SLC2A7: variants seen among roughly 807,000 people sequenced by gnomAD.
SLC2A7 encodes solute carrier family 2 member 7.
SLC2A7 carries 50 observed loss-of-function variants against 50.5 expected under a neutral mutation model. The ratio of observed to expected loss-of-function variants is 0.99; its 90% CI spans 0.79 to 1.25. SLC2A7 has a LOEUF of 1.25. Among genes scored for constraint, SLC2A7 ranks in the 50% most tolerant of loss-of-function variants. The pLI, the probability that SLC2A7 is intolerant of heterozygous loss-of-function variation, is 0.00. For missense variants in SLC2A7, 683 were observed against 679.1 expected (o/e 1.01, Z -0.06); for synonymous variants, 308 against 300.4 (o/e 1.03, Z -0.26).
downstream of SLC2A7, among the ~76,000 whole-genome samples, chr1:9,000,395 G>A (rs544205412): frequency 2.0e-5 from 3 of 151,908 alleles, no homozygotes; most frequent in Non-Finnish European, 4.4e-5. Flanking sequence ...GAGACAGATG[G>A]ATCACCTGAG....
At chr1:9,006,680 T>C (rs1405127435) in intron 10 of SLC2A7, among the ~76,000 whole-genome samples, 1 of 152,246 alleles carries the variant, frequency 6.6e-6, no homozygotes, top group East Asian at 1.9e-4. Flanking sequence ...TTTTGGTTTA[T>C]GGACAGTGCT....
intron 7 of SLC2A7, 138 bp from the exon 8 acceptor site, chr1:9,013,773 A>G: frequency 1.5e-6 from 1 of 668,376 alleles, no homozygotes; most frequent in East Asian, 3.0e-5. Flanking sequence ...AGGTGGTGGG[A>G]AAAAGAGGCC....
At position 9,003,482 on chromosome 1, in the gene SLC2A7, C is replaced by T. The variant is rs200269396; in HGVS notation, c.1357G>A (p.Gly453Arg). ...TAAATCGCAGTGAGGAGGCAGATTC[C>T]GGCAAAGATGATGAAACTGTAGGCA... is the stretch of plus-strand genomic sequence containing the variant. Reference protein sequence around the residue: ...IGAYSFIIFAGICLLTAIYIY... With the variant: ...IGAYSFIIFARICLLTAIYIY... The change falls in exon 12 of 12, where the codon GGA becomes AGA. Residue 453 changes from glycine to arginine, a missense_variant. Transcript: ENST00000400906. 4.6e-4 allele frequency: 749 copies of T among 1,614,150 alleles called. 3 individuals carry two copies. In the South Asian group the frequency reaches 6.0e-3, roughly 13 times the overall value.
Position 9,018,268 on chromosome 1 carries a change from G to C in SLC2A7, c.544C>G (p.Leu182Val), listed in dbSNP as rs1640859507. Reference sequence around the variant, plus strand: ...GCCTGGAGGCTGAAGATCTGTGCTAGGAAGACTCCAACGATGACGAAAACC... The same window carrying C: ...GCCTGGAGGCTGAAGATCTGTGCTACGAAGACTCCAACGATGACGAAAACC... ...TEVFVIVGVF[L>V]AQIFSLQAIL... Residue 182 changes from leucine (L) to valine (V), a missense_variant, in exon 5 of 12, where the codon CTA (leucine) becomes GTA (valine). Coordinates refer to ENST00000400906, the MANE Select transcript of SLC2A7 (RefSeq NM_207420.3). The C allele has an allele frequency of 1.2e-6, 2 of 1,614,140 alleles. No individual in the cohort carries two copies. Among genetic ancestry groups the C allele is most frequent in the Non-Finnish European group, 1.7e-6 (2 of 1,180,022 alleles).
downstream of SLC2A7, among the ~76,000 whole-genome samples, chr1:9,002,231 C>T (rs769381120): frequency 9.9e-5 from 15 of 152,102 alleles, no homozygotes; most frequent in Non-Finnish European, 1.9e-4. Context: ...TCCCCCAGCC[C>T]GACACCCGTA....
At chr1:8,997,089 T>A in the SLC2A7 span, among the ~76,000 whole-genome samples, 1 of 152,098 alleles carries the variant, frequency 6.6e-6, no homozygotes, top group African/African-American at 2.4e-5. Context: ...ATGTTGAGGA[T>A]CTTTTCATGT....
At chr1:8,994,970 CA>C in the SLC2A7 span, among the ~76,000 whole-genome samples, 5 of 151,328 alleles carry the variant, frequency 3.3e-5, no homozygotes, top group African/African-American at 1.2e-4. Flanking sequence ...GGGGTTTCAC[CA>C]TGTTGCCCAG....
chr1:9,020,710 C>T (rs1397915455), intron 3 of SLC2A7, among the ~76,000 whole-genome samples: 4 of 144,756 alleles, frequency 2.8e-5, no homozygotes, highest in Non-Finnish European at 6.0e-5. Context: ...CTTGCTCTGT[C>T]GCCCAGGCTA....
Position 9,003,204 on chromosome 1 carries a change from C to A in SLC2A7, c.*96G>T. 9.1e-7 allele frequency: 1 copy of A among 1,100,012 alleles called. No homozygotes were observed. Among genetic ancestry groups the A allele is most frequent in the South Asian group, 1.5e-5 (1 of 67,906 alleles). The allele number at this position is 1,100,012 out of a possible 1,614,324, so 68.1% of individuals were successfully genotyped here. A position where few individuals can be genotyped will look rare whatever the true frequency, so the allele number is the denominator to read the frequency against. On this transcript the variant is annotated 3_prime_UTR_variant, in exon 12 of 12. Coordinates refer to ENST00000400906, the MANE Select transcript of SLC2A7 (RefSeq NM_207420.3). ...GTTAAATGGGGGCAACGACAAAAGC[C>A]TCCGTGCTATTATCCTCCCCAGAGC...
chr1:9,025,444 T>A (rs1640982668), intron 1 of SLC2A7, among the ~76,000 whole-genome samples: 1 of 152,046 alleles, frequency 6.6e-6, no homozygotes, highest in Admixed American at 6.5e-5. Flanking sequence ...AGATGATAAT[T>A]CCAAATAGCT....
intron 5 of SLC2A7, among the ~76,000 whole-genome samples, chr1:9,016,487 T>C (rs1334303379): frequency 1.3e-5 from 2 of 152,056 alleles, no homozygotes; most frequent in African/African-American, 2.4e-5. Context: ...TGTGTGCCTG[T>C]AGTCCCAGCA....
intron 2 of SLC2A7, 25 bp downstream of exon 2, chr1:9,024,951 C>T (rs1640972722): frequency 1.2e-6 from 2 of 1,609,362 alleles, no homozygotes; most frequent in Non-Finnish European, 1.7e-6. Flanking sequence ...CTGCCCGGCC[C>T]ACCTTGTGCC....
chr1:9,003,170 C>CA lies in SLC2A7; in HGVS notation c.*129dup. ...ATTGTTGTGGGTATTTAATAATATC[C>CA]ATAATTAAGTTAAATGGGGGCAACG... is the stretch of plus-strand genomic sequence containing the variant. On this transcript the variant is annotated 3_prime_UTR_variant, in exon 12 of 12. Coordinates refer to ENST00000400906, the MANE Select transcript of SLC2A7 (RefSeq NM_207420.3). 1.4e-6 allele frequency: 1 copy of CA among 722,510 alleles called. No homozygotes were observed. Among genetic ancestry groups the CA allele is most frequent in the Non-Finnish European group, 2.3e-6 (1 of 437,770 alleles). The allele number at this position is 722,510 out of a possible 1,614,324, so 44.8% of individuals were successfully genotyped here.
intron 5 of SLC2A7, among the ~76,000 whole-genome samples, chr1:9,017,743 A>G (rs1640851198): frequency 6.6e-6 from 1 of 151,888 alleles, no homozygotes; most frequent in Non-Finnish European, 1.5e-5. Flanking sequence ...TCTCTCCTAA[A>G]TCTCCACCAC....
At chr1:9,001,909 A>C (rs1282013820), downstream of SLC2A7, among the ~76,000 whole-genome samples, 1 of 152,164 alleles carries the variant, frequency 6.6e-6, no homozygotes, top group Non-Finnish European at 1.5e-5. Flanking sequence ...TGTACTAAGA[A>C]AAATTCTTCT....
chr1:9,009,406 G>C (rs915324216), intron 9 of SLC2A7, among the ~76,000 whole-genome samples: 4 of 152,278 alleles, frequency 2.6e-5, no homozygotes, highest in South Asian at 2.1e-4. Context: ...TGTACTTCTT[G>C]TTTGGGTGGT....
intron 3 of SLC2A7, among the ~76,000 whole-genome samples, chr1:9,020,260 A>T (rs1330553705): frequency 6.6e-6 from 1 of 152,194 alleles, no homozygotes; most frequent in African/African-American, 2.4e-5. Flanking sequence ...CCCAGGAGGT[A>T]GAGAGCTTCC....
At chr1:9,002,295 G>A (rs1323732341), downstream of SLC2A7, among the ~76,000 whole-genome samples, 1 of 152,098 alleles carries the variant, frequency 6.6e-6, no homozygotes, top group African/African-American at 2.4e-5. Flanking sequence ...TTGCAATTGA[G>A]GTAAGAGGAA....
intron 6 of SLC2A7, 111 bp from the exon 7 acceptor site, chr1:9,014,979 C>A: frequency 6.7e-7 from 1 of 1,503,248 alleles, no homozygotes; most frequent in South Asian, 1.3e-5. Context: ...TGGTTGTGCC[C>A]CAGTTGCCAC....
Sources: allele counts gnomAD v4.1 joint callset (sites outside exome capture counted in the v4.1 genomes callset), GRCh38; gene constraint gnomAD v4.1.1; transcripts MANE v1.5; gene names NCBI Gene and HGNC (gene_info 2026-07-23, HGNC 2026-07-21).